The following RPE65 variants were observed in gnomAD, a reference collection of about 807,000 sequenced individuals.
RPE65 encodes retinoid isomerohydrolase.
Under a neutral mutation model 68.5 loss-of-function variants are expected in RPE65, and 58 were observed. The ratio of observed to expected loss-of-function variants is 0.85; its 90% CI spans 0.69 to 1.05. The LOEUF (loss-of-function observed/expected upper bound fraction) is 1.05, where lower values mean the gene tolerates loss of function less well. Among genes scored for constraint, RPE65 ranks in the 50% least tolerant of loss-of-function variants. The pLI is 0.00. For synonymous variants in RPE65, 220 were observed against 222.2 expected, an observed-to-expected ratio of 0.99 and a Z score of 0.09; for missense variants, 643 against 629.9, an observed-to-expected ratio of 1.02 and a Z score of -0.22.
rs1290347377 is a variant in RPE65, at chr1:68,431,382, A to G, written c.1244-6T>C. ...GATTTGAGGAAACTCAAATGCTACG[A>G]AATAGAGCACATGCTTAGGAAAACT... On this transcript the variant is annotated splice_polypyrimidine_tract_variant and splice_region_variant and intron_variant, in intron 11 of 13. Coordinates refer to ENST00000262340, the MANE Select transcript of RPE65 (RefSeq NM_000329.3). 2 of 1,613,648 alleles carry G rather than the reference A, an allele frequency of 1.2e-6. No individual in the cohort carries two copies. Among genetic ancestry groups the G allele is most frequent in the Non-Finnish European group, 1.7e-6 (2 of 1,179,774 alleles).
chr1:68,438,160 T>C, intron 10 of RPE65, 27 bp downstream of exon 10: 1 of 1,613,378 alleles, frequency 6.2e-7, no homozygotes, highest in Non-Finnish European at 8.5e-7. Context: ...TCTGGTTAAA[T>C]CTGAAATCTA....
At chr1:68,447,624 G>A (rs1397592530) in intron 2 of RPE65, among the ~76,000 whole-genome samples, 1 of 152,120 alleles carries the variant, frequency 6.6e-6, no homozygotes, top group Non-Finnish European at 1.5e-5. Context: ...CACTTTGGGA[G>A]GCCTAGGCGG....
At chr1:68,430,206 C>T (rs180775036) in intron 13 of RPE65, among the ~76,000 whole-genome samples, 6 of 152,094 alleles carry the variant, frequency 3.9e-5, no homozygotes, top group African/African-American at 1.4e-4. Flanking sequence ...ATGACTACAG[C>T]GTAGTAGGTA....
At position 68,431,160 on chromosome 1, in the gene RPE65, A is replaced by C. The variant is rs62637004; in HGVS notation, c.1355T>G (p.Val452Gly). Residue 452 changes from valine (V) to glycine (G), a missense_variant, in exon 13 of 14, where the codon GTC becomes GGC. Val to Gly is a moderately radical substitution (Grantham distance 109, BLOSUM62 -3). Transcript: ENST00000262340. ...FVPDRLCKLN[V>G]KTKETWVWQE... ...CCAAACCCAAGTTTCTTTAGTTTTGACATTCAGCTTACAGAGCTGTTTGTG... is the reference window on the plus strand; with the variant it reads ...CCAAACCCAAGTTTCTTTAGTTTTGCCATTCAGCTTACAGAGCTGTTTGTG... 3.1e-6 allele frequency: 5 copies of C among 1,613,648 alleles called. No homozygotes were observed. The African/African-American group carries it at 4.0e-5, about 13-fold the overall frequency.
intron 10 of RPE65, among the ~76,000 whole-genome samples, chr1:68,433,703 A>G (rs3125891): frequency 0.43 from 64,643 of 151,798 alleles, 14,995 homozygotes; most frequent in East Asian, 0.77. Flanking sequence ...TCTAAAATGG[A>G]ACCAATTAAC....
intron 10 of RPE65, among the ~76,000 whole-genome samples, chr1:68,437,470 T>G (rs1296087765): frequency 2.6e-5 from 4 of 152,224 alleles, no homozygotes; most frequent in African/African-American, 9.7e-5. Context: ...ACACCATATC[T>G]AAGCCTTTGG....
intron 10 of RPE65, among the ~76,000 whole-genome samples, chr1:68,436,137 C>A (rs1338821740): frequency 1.3e-5 from 2 of 151,994 alleles, no homozygotes; most frequent in African/African-American, 4.8e-5. Flanking sequence ...TCTTTTATTT[C>A]CTTAAAGATG....
intron 7 of RPE65, 89 bp from the exon 8 acceptor site, chr1:68,439,412 A>G: frequency 6.3e-7 from 1 of 1,580,796 alleles, no homozygotes; most frequent in Non-Finnish European, 8.7e-7. Flanking sequence ...GCTCAGTTAC[A>G]AGAATCAACA....
intron 6 of RPE65, 89 bp downstream of exon 6, chr1:68,440,764 A>G (rs1337118631): frequency 6.6e-7 from 1 of 1,525,346 alleles, no homozygotes; most frequent in Non-Finnish European, 9.1e-7. Context: ...ACAAAATGCT[A>G]TTCTGACATT....
chr1:68,438,396 A>C, intron 9 of RPE65, 80 bp from the exon 10 acceptor site: 1 of 1,518,176 alleles, frequency 6.6e-7, no homozygotes, highest in Non-Finnish European at 9.0e-7. Flanking sequence ...TTTTAAGCAC[A>C]AGTGCCTGCC....
At chr1:68,449,746 C>A in intron 1 of RPE65, 149 bp downstream of exon 1, 3 of 866,334 alleles carry the variant, frequency 3.5e-6, no homozygotes, top group Non-Finnish European at 5.6e-6. Flanking sequence ...TGCTTTAATA[C>A]ATAAGCAGGA....
Position 68,431,074 on chromosome 1 carries a change from C to A in RPE65, c.1441G>T (p.Glu481Ter), listed in dbSNP as rs768710948. ...IFVSHPDALE[E>*]DDGVVLSVVV... The stretch of plus-strand genomic sequence containing the variant: ...CAATTGCTTTCATTACCATCATCTT[C>A]TTCCAAGGCATCTGGGTGAGAAACA... The change falls in exon 13 of 14, where the codon GAA becomes TAA. Residue 481 changes from glutamate to a stop codon, truncating the protein, a stop_gained. Transcript: ENST00000262340. LOFTEE classifies it high-confidence loss of function. The A allele has an allele frequency of 6.2e-7, 1 of 1,613,450 alleles. No individual in the cohort carries two copies. The highest frequency in any genetic ancestry group is 1.7e-5 in the Admixed American group (1 of 59,984).
intron 5 of RPE65, among the ~76,000 whole-genome samples, chr1:68,442,221 G>A (rs1645908886): frequency 6.6e-6 from 1 of 152,034 alleles, no homozygotes; most frequent in Non-Finnish European, 1.5e-5. Flanking sequence ...CCAGACTGAG[G>A]GATGAGGCAG....
At chr1:68,434,146 A>G (rs1272087085) in intron 10 of RPE65, among the ~76,000 whole-genome samples, 4 of 151,346 alleles carry the variant, frequency 2.6e-5, no homozygotes, top group Non-Finnish European at 5.9e-5. Flanking sequence ...ACACATATAC[A>G]TCACTTGGCT....
chr1:68,449,809 A>G (rs1329804240), intron 1 of RPE65, 86 bp downstream of exon 1: 1 of 1,480,676 alleles, frequency 6.8e-7, no homozygotes, highest in Non-Finnish European at 9.4e-7. Context: ...TCATTAATCA[A>G]TGCCTTCTCT....
chr1:68,443,658 G>A (rs922365999), intron 5 of RPE65, among the ~76,000 whole-genome samples: 2 of 151,740 alleles, frequency 1.3e-5, no homozygotes, highest in African/African-American at 2.4e-5. Flanking sequence ...AATTCCTTTC[G>A]TATTTATGCT....
chr1:68,442,941 T>A (rs1310403483), intron 5 of RPE65, among the ~76,000 whole-genome samples: 1 of 152,140 alleles, frequency 6.6e-6, no homozygotes, highest in Admixed American at 6.6e-5. Flanking sequence ...TTGAGACTAT[T>A]TTTTTTCTTC....
rs1645927916 is a variant in RPE65, at chr1:68,444,589, C to T, written c.437G>A (p.Cys146Tyr). The T allele has an allele frequency of 6.2e-7, 1 of 1,614,140 alleles. No homozygotes were observed. Among genetic ancestry groups the T allele is most frequent in the African/African-American group, 1.3e-5 (1 of 75,028 alleles). The change falls in exon 5 of 14, where the codon TGC (cysteine) becomes TAC (tyrosine). Residue 146 changes from cysteine (C) to tyrosine (Y), a missense_variant. Physicochemically the swap from Cys to Tyr is radical, Grantham distance 194 (BLOSUM62 -2). Transcript: ENST00000262340. ...CTTTGTAATAAAGTTGGTCTCTGTG[C>T]AAGCGTAGTAATCTTCCCCCACTGG... ...VYPVGEDYYA[C>Y]TETNFITKIN...
At chr1:68,441,343 G>A (rs957878107) in intron 5 of RPE65, among the ~76,000 whole-genome samples, 1 of 152,088 alleles carries the variant, frequency 6.6e-6, no homozygotes, top group Non-Finnish European at 1.5e-5. Flanking sequence ...TATTGTATTA[G>A]ATTTAATTGT....
Sources: allele counts gnomAD v4.1 joint callset (sites outside exome capture counted in the v4.1 genomes callset), GRCh38; gene constraint gnomAD v4.1.1; transcripts MANE v1.5; gene names NCBI Gene and HGNC (gene_info 2026-07-23, HGNC 2026-07-21).